Variants in FREM2 observed in about 807,000 individuals in gnomAD.
FREM2 encodes FRAS1-related extracellular matrix protein 2.
FREM2 carries 119 observed loss-of-function variants against 219.9 expected under a neutral mutation model. That is an observed-to-expected ratio of 0.54 (90% CI 0.47 to 0.63). FREM2 has a LOEUF of 0.63. Ranked by LOEUF, FREM2 falls within the 30% of genes least tolerant of loss-of-function variation. The pLI, the probability that FREM2 is intolerant of heterozygous loss-of-function variation, is 0.00. For missense variants in FREM2, 4,030 were observed against 3,993.6 expected, an observed-to-expected ratio of 1.01 and a Z score of -0.25; for synonymous variants, 1,562 against 1,522.8, an observed-to-expected ratio of 1.03 and a Z score of -0.60.
At chr13:38,693,609 T>A (rs1398525564) in intron 1 of FREM2, among the ~76,000 whole-genome samples, 2 of 152,234 alleles carry the variant, frequency 1.3e-5, no homozygotes, top group Non-Finnish European at 2.9e-5. Flanking sequence ...CATGTCAGAA[T>A]GGACACTAGA....
chr13:38,769,312 G>C (rs1005783398), intron 3 of FREM2, among the ~76,000 whole-genome samples: 2 of 152,156 alleles, frequency 1.3e-5, no homozygotes, highest in Admixed American at 6.6e-5. Flanking sequence ...GGTCTTGTTT[G>C]ACAAGAAGTT....
chr13:38,751,296 T>G (rs1255928808), intron 2 of FREM2, among the ~76,000 whole-genome samples: 2 of 151,942 alleles, frequency 1.3e-5, no homozygotes, highest in African/African-American at 4.8e-5. Flanking sequence ...CTCCACATCC[T>G]TGCCAACACC....
rs866418728 is a variant in FREM2 at position 38,836,918 on chromosome 13, T to C, written c.6020-9655T>C. ...CCAGCTCCTGGATACATTGATTTTT[T>C]AAAGGGTTTTTTGCGTCTCTACTTC... On this transcript the variant is annotated intron_variant, in intron 6 of 23. Coordinates refer to ENST00000280481, the MANE Select transcript of FREM2 (RefSeq NM_207361.6). Among the ~76,000 whole-genome samples the C allele has an allele frequency of 2.0e-5, 3 of 152,300 alleles. No homozygotes were observed. In the Middle Eastern group the frequency reaches 0.01, roughly 518 times the overall value.
intron 5 of FREM2, 69 bp from the exon 6 acceptor site, chr13:38,784,488 T>A: frequency 6.4e-7 from 1 of 1,568,238 alleles, no homozygotes; most frequent in South Asian, 1.1e-5. Flanking sequence ...TGTATGAAAA[T>A]AATTGTGTCT....
intron 13 of FREM2, 58 bp downstream of exon 13, chr13:38,858,091 A>G: frequency 1.5e-6 from 2 of 1,367,826 alleles, no homozygotes; most frequent in Non-Finnish European, 2.1e-6. Flanking sequence ...TCAAATAATT[A>G]TAATCAATAT....
chr13:38,738,030 G>A (rs1018657926), intron 2 of FREM2, among the ~76,000 whole-genome samples: 4 of 152,150 alleles, frequency 2.6e-5, no homozygotes, highest in Admixed American at 1.3e-4. Context: ...AAAAGAGGGT[G>A]TGAATTCCAG....
intron 6 of FREM2, among the ~76,000 whole-genome samples, chr13:38,800,164 T>C (rs1874954430): frequency 6.6e-6 from 1 of 152,268 alleles, no homozygotes; most frequent in East Asian, 1.9e-4. Context: ...TTTTACAGTT[T>C]TGTGTGTTTT....
intron 2 of FREM2, among the ~76,000 whole-genome samples, chr13:38,750,326 G>A (rs1379302277): frequency 2.0e-5 from 3 of 152,234 alleles, no homozygotes; most frequent in African/African-American, 2.4e-5. Flanking sequence ...CACGAGATCC[G>A]ATGGTTTTTA....
chr13:38,740,765 G>A (rs564717079), intron 2 of FREM2, among the ~76,000 whole-genome samples: 8 of 152,264 alleles, frequency 5.3e-5, no homozygotes, highest in Middle Eastern at 3.4e-3. Context: ...TTGTGTTCTT[G>A]TATATTAAGG....
intron 6 of FREM2, among the ~76,000 whole-genome samples, chr13:38,845,107 G>C (rs746384108): frequency 1.6e-4 from 25 of 152,294 alleles, no homozygotes; most frequent in Non-Finnish European, 3.5e-4. Flanking sequence ...AATTTCTAAG[G>C]TTGGTTTTCT....
intron 6 of FREM2, among the ~76,000 whole-genome samples, chr13:38,786,757 AC>A (rs1874348139): frequency 6.6e-6 from 1 of 152,196 alleles, no homozygotes; most frequent in South Asian, 2.1e-4. Flanking sequence ...ACAGAAAAAA[AC>A]ATTTATTAAG....
At chr13:38,734,829 C>T (rs1871919218) in intron 2 of FREM2, among the ~76,000 whole-genome samples, 1 of 149,986 alleles carries the variant, frequency 6.7e-6, no homozygotes. Flanking sequence ...TCACTGCAAC[C>T]TCTACCTCCC....
At chr13:38,715,504 G>C (rs1870962123) in intron 2 of FREM2, among the ~76,000 whole-genome samples, 1 of 152,038 alleles carries the variant, frequency 6.6e-6, no homozygotes, top group Admixed American at 6.5e-5. Context: ...CTTGCCAAGA[G>C]TCTGTGGAAC....
chr13:38,757,972 A>C (rs982229427), intron 2 of FREM2, among the ~76,000 whole-genome samples: 2 of 152,208 alleles, frequency 1.3e-5, no homozygotes, highest in African/African-American at 4.8e-5. Context: ...GGCAATGGAA[A>C]TGGTGAGGAG....
chr13:38,746,610 T>G (rs1872494811), intron 2 of FREM2, among the ~76,000 whole-genome samples: 1 of 152,170 alleles, frequency 6.6e-6, no homozygotes, highest in South Asian at 2.1e-4. Flanking sequence ...TATTTTTTAG[T>G]CTCAAAGAGC....
chr13:38,748,722 C>T (rs1872581906), intron 2 of FREM2, among the ~76,000 whole-genome samples: 1 of 152,008 alleles, frequency 6.6e-6, no homozygotes, highest in Non-Finnish European at 1.5e-5. Flanking sequence ...CCTTAGTTAA[C>T]ATAGAGTGAT....
rs763353286 is a variant in FREM2, at chr13:38,690,021, G to A, written c.2677G>A (p.Glu893Lys). 3 of 1,613,816 alleles carry A rather than the reference G, an allele frequency of 1.9e-6. No homozygotes were observed. In the African/African-American group the frequency reaches 4.0e-5, roughly 22 times the overall value. The change falls in exon 1 of 24, where the codon GAG becomes AAG. Residue 893 changes from glutamate to lysine, a missense_variant. Physicochemically the swap from Glu to Lys is moderately conservative, Grantham distance 56. This residue lies in a region of FREM2 where 3,102 missense variants were observed against 2,950.7 expected (regional missense o/e 1.05). Coordinates refer to ENST00000280481, the MANE Select transcript of FREM2 (RefSeq NM_207361.6). ...ILHVGGLFHL[E>K]DIKQGRVSYA... ...GCATGTAGGGGGTCTCTTCCACTTGGAGGACATAAAACAGGGCCGAGTTTC... is the reference window on the plus strand; with the variant it reads ...GCATGTAGGGGGTCTCTTCCACTTGAAGGACATAAAACAGGGCCGAGTTTC...
At chr13:38,765,617 G>A (rs959207783) in intron 3 of FREM2, among the ~76,000 whole-genome samples, 3 of 149,488 alleles carry the variant, frequency 2.0e-5, no homozygotes, top group South Asian at 2.1e-4. Flanking sequence ...CACACATCCC[G>A]CTGTAATTTT....
At chr13:38,738,274 G>A (rs1218533102) in intron 2 of FREM2, among the ~76,000 whole-genome samples, 1 of 152,000 alleles carries the variant, frequency 6.6e-6, no homozygotes, top group South Asian at 2.1e-4. Flanking sequence ...CAATGGAAAC[G>A]GGATAATTGG....
Sources: gnomAD v4.1 joint callset for allele counts (sites outside exome capture counted in the v4.1 genomes callset) on GRCh38, gnomAD v4.1.1 for gene constraint, gnomAD v4.1.1 regional missense constraint, MANE v1.5 for transcripts, NCBI Gene and HGNC (gene_info 2026-07-23, HGNC 2026-07-21) for gene names.